Variants in BCKDHA observed in about 807,000 individuals in gnomAD.
BCKDHA encodes 2-oxoisovalerate dehydrogenase subunit alpha, mitochondrial.
A neutral mutation model predicts 52.2 loss-of-function variants in BCKDHA; 43 were observed. The ratio of observed to expected loss-of-function variants is 0.82; its 90% CI spans 0.64 to 1.06. BCKDHA has a LOEUF of 1.06. Ranked by LOEUF, BCKDHA falls within the 50% of genes least tolerant of loss-of-function variation. The pLI, the probability that BCKDHA is intolerant of heterozygous loss-of-function variation, is 0.00. For synonymous variants in BCKDHA, 234 were observed against 247.9 expected (o/e 0.94, Z 0.53); for missense variants, 527 against 621.3 (o/e 0.85, Z 1.61).
In BCKDHA at chr19:41,423,126, A is replaced by G. The variant is rs1599962596; in HGVS notation, c.1124A>G (p.Asp375Gly). Residue 375 changes from aspartate (D) to glycine (G), a missense_variant, in exon 8 of 9, where the codon GAT becomes GGT. Coordinates refer to ENST00000269980, the MANE Select transcript of BCKDHA (RefSeq NM_000709.4). ...TATCTGCTGAGCCAAGGCTGGTGGG[A>G]TGAGGAGCAGGAGAAGGCCTGGAGG... is the stretch of plus-strand genomic sequence containing the variant. ...RHYLLSQGWW[D>G]EEQEKAWRKQ... The G allele has an allele frequency of 6.4e-7, 1 of 1,560,964 alleles. No homozygotes were observed. The highest frequency in any genetic ancestry group is 8.7e-7 in the Non-Finnish European group (1 of 1,152,480).
chr19:41,424,492 C>T lies in BCKDHA; in HGVS notation c.1222C>T (p.Leu408Phe). 4 of 1,614,178 alleles carry T rather than the reference C, an allele frequency of 2.5e-6. No homozygotes were observed. The highest frequency in any genetic ancestry group is 3.4e-6 in the Non-Finnish European group (4 of 1,180,024). The change falls in exon 9 of 9, where the codon CTC becomes TTC. Residue 408 changes from leucine (L) to phenylalanine (F), a missense_variant. Physicochemically the swap from Leu to Phe is conservative, Grantham distance 22 (BLOSUM62 0). Coordinates refer to ENST00000269980, the MANE Select transcript of BCKDHA (RefSeq NM_000709.4). ...GAAGCCCAAACCCAACCCCAACCTA[C>T]TCTTCTCAGACGTGTATCAGGAGAT... is the stretch of plus-strand genomic sequence containing the variant. ...ERKPKPNPNLLFSDVYQEMPA... is the reference protein window; with the variant it reads ...ERKPKPNPNLFFSDVYQEMPA...
chr19:41,403,659 G>A (rs756462511), intron 1 of BCKDHA, among the ~76,000 whole-genome samples: 1 of 152,152 alleles, frequency 6.6e-6, no homozygotes, highest in Non-Finnish European at 1.5e-5. Flanking sequence ...TGATGCTGGT[G>A]CTTCCTGGAG....
At chr19:41,414,690 G>A (rs762150280) in intron 4 of BCKDHA, among the ~76,000 whole-genome samples, 5 of 152,080 alleles carry the variant, frequency 3.3e-5, no homozygotes, top group Non-Finnish European at 5.9e-5. Context: ...AGGAAGGAAG[G>A]GTCAAAGACC....
At chr19:41,404,510 C>G (rs147618066) in intron 1 of BCKDHA, among the ~76,000 whole-genome samples, 83 of 151,730 alleles carry the variant, frequency 5.5e-4, no homozygotes, top group Non-Finnish European at 5.3e-4. Context: ...AGGATGGTCT[C>G]GATCTCCCGA....
chr19:41,417,987 G>A (rs1444433124), intron 4 of BCKDHA, among the ~76,000 whole-genome samples: 1 of 151,330 alleles, frequency 6.6e-6, no homozygotes, highest in Non-Finnish European at 1.5e-5. Context: ...AGCTATCTGG[G>A]AGGCTGAGGC....
In BCKDHA at chr19:41,424,446, G is replaced by A. The variant is rs767493580; in HGVS notation, c.1176G>A (p.Glu392=). 1 of 1,613,942 alleles carries A rather than the reference G, an allele frequency of 6.2e-7. No homozygotes were observed. Among genetic ancestry groups the A allele is most frequent in the African/African-American group, 1.3e-5 (1 of 74,930 alleles). The change falls in exon 9 of 9, where the codon GAG becomes GAA. Residue 392 remains glutamate, a synonymous_variant. Transcript: ENST00000269980. The part of the protein sequence containing the change: ...WRKQSRRKVM[E]AFEQAERKPK... The stretch of plus-strand genomic sequence containing the variant: ...GCCCCATGTCCCCACAGGTGATGGA[G>A]GCCTTTGAGCAGGCCGAGCGGAAGC...
At chr19:41,406,554 C>T (rs1403499352) in intron 1 of BCKDHA, among the ~76,000 whole-genome samples, 1 of 151,650 alleles carries the variant, frequency 6.6e-6, no homozygotes, top group Non-Finnish European at 1.5e-5. Context: ...CATGTAAATG[C>T]CACCATTCCC....
At chr19:41,414,649 T>G (rs2039290182) in intron 4 of BCKDHA, among the ~76,000 whole-genome samples, 1 of 151,980 alleles carries the variant, frequency 6.6e-6, no homozygotes, top group Non-Finnish European at 1.5e-5. Flanking sequence ...GGTGCAAGAT[T>G]AGAGGGGCCC....
chr19:41,422,841 C>G (rs1259370341), intron 7 of BCKDHA, 71 bp downstream of exon 7: 6 of 1,606,600 alleles, frequency 3.7e-6, no homozygotes, highest in Non-Finnish European at 5.1e-6. Flanking sequence ...TCATATCGAT[C>G]ACTGTCTCCA....
rs1008840646 is a variant in BCKDHA, at chr19:41,424,825, GC to G, written c.*222del. On this transcript the variant is annotated 3_prime_UTR_variant, in exon 9 of 9. Transcript: ENST00000269980. ...TGCAGCAGTTGCTGAGGCTCCGTCA[GC>G]CCCCTCTTCACCTGTTGTTACAGTG... The G allele has an allele frequency of 2.0e-5, 11 of 553,564 alleles. No homozygotes were observed. The African/African-American group carries it at 2.1e-4, about 10-fold the overall frequency. The allele number at this position is 553,564 out of a possible 1,614,324, so 34.3% of individuals were successfully genotyped here.
chr19:41,411,961 A>G (rs934122871), intron 3 of BCKDHA, among the ~76,000 whole-genome samples: 1 of 152,178 alleles, frequency 6.6e-6, no homozygotes, highest in African/African-American at 2.4e-5. Flanking sequence ...CCCCCACAGC[A>G]ACGGGAAAGC....
At position 41,414,523 on chromosome 19, in the gene BCKDHA, T is replaced by C. The variant is rs148611088; in HGVS notation, c.484+366T>C. Among the ~76,000 whole-genome samples the C allele has an allele frequency of 1.3e-4, 20 of 152,164 alleles. No homozygotes were observed. The East Asian group carries it at 3.9e-3, about 29-fold the overall frequency. On this transcript the variant is annotated intron_variant, in intron 4 of 8. Transcript: ENST00000269980. ...CAGTGAAGTCAACGTTCGCTGTGGG[T>C]GTGGCCTGTGCAGGAGACCCTGTCT...
At chr19:41,420,530 C>T (rs770264927) in intron 5 of BCKDHA, among the ~76,000 whole-genome samples, 26 of 151,470 alleles carry the variant, frequency 1.7e-4, no homozygotes, top group Admixed American at 9.9e-4. Flanking sequence ...ACCTGGGAGG[C>T]AGAGTTTGCA....
At chr19:41,408,721 G>A (rs1034984360) in intron 1 of BCKDHA, among the ~76,000 whole-genome samples, 2 of 151,872 alleles carry the variant, frequency 1.3e-5, no homozygotes, top group African/African-American at 4.8e-5. Context: ...GGGGTCAAGC[G>A]ATTCTCCCAC....
intron 8 of BCKDHA, 91 bp downstream of exon 8, chr19:41,423,260 C>G: frequency 1.3e-6 from 2 of 1,529,522 alleles, no homozygotes; most frequent in East Asian, 2.5e-5. Flanking sequence ...CTGGGAGGCT[C>G]AGGGATAACC....
chr19:41,410,639 C>A lies in BCKDHA; in HGVS notation c.111C>A (p.His37Gln). The A allele has an allele frequency of 1.2e-6, 2 of 1,613,570 alleles. No homozygotes were observed. Among genetic ancestry groups the A allele is most frequent in the East Asian group, 2.2e-5 (1 of 44,882 alleles). ...GTCTCCTCTGCTCTCTTCCCCAGCA[C>A]CCCCCCAGGCAGCAGCAGCAGTTTT... The part of the protein sequence containing the change: ...QPGARGLARS[H>Q]PPRQQQQFSS... Residue 37 changes from histidine to glutamine, a missense_variant and splice_region_variant, in exon 2 of 9, where the codon CAC becomes CAA. By Grantham distance (24) the His-to-Gln change is conservative. Transcript: ENST00000269980.
rs145889872 is a variant in BCKDHA, at chr19:41,412,265, A to G, written c.375+1256A>G. ...GCCTCACCTAGTCCGTTTCTCAGTGAAGAGCACCACCATCCACCTGCTTGC... is the reference window on the plus strand; with the variant it reads ...GCCTCACCTAGTCCGTTTCTCAGTGGAGAGCACCACCATCCACCTGCTTGC... On this transcript the variant is annotated intron_variant, in intron 3 of 8. Coordinates refer to ENST00000269980, the MANE Select transcript of BCKDHA (RefSeq NM_000709.4). Among the ~76,000 whole-genome samples the G allele has an allele frequency of 1.4e-4, 21 of 150,914 alleles. No homozygotes were observed. In the East Asian group the frequency reaches 4.1e-3, roughly 29 times the overall value.
chr19:41,424,324 G>T, intron 8 of BCKDHA, 114 bp from the exon 9 acceptor site: 1 of 1,147,546 alleles, frequency 8.7e-7, no homozygotes, highest in South Asian at 1.2e-5. Context: ...TTCCATTGTC[G>T]AGGTGGGAAC....
At chr19:41,403,031 T>A (rs4803462) in intron 1 of BCKDHA, among the ~76,000 whole-genome samples, 99,335 of 152,020 alleles carry the variant, frequency 0.65, 33,582 homozygotes, top group African/African-American at 0.82. Flanking sequence ...TCCCACCTGG[T>A]GGCCTTTGTA....
Sources: gnomAD v4.1 joint callset for allele counts (sites outside exome capture counted in the v4.1 genomes callset) on GRCh38, gnomAD v4.1.1 for gene constraint, MANE v1.5 for transcripts, NCBI Gene and HGNC (gene_info 2026-07-23, HGNC 2026-07-21) for gene names.